TDRD5: variants seen among roughly 807,000 people sequenced by gnomAD.
TDRD5 encodes tudor domain containing 5.
TDRD5 carries 41 observed loss-of-function variants against 120.6 expected under a neutral mutation model. The observed-to-expected ratio is 0.34, with a 90% confidence interval of 0.26 to 0.44. TDRD5 has a LOEUF of 0.44. Ranked by LOEUF, TDRD5 falls within the 20% of genes least tolerant of loss-of-function variation. The probability of loss-of-function intolerance (pLI) is 1.00; values close to 1 mark genes in which losing one functional copy is unlikely to be tolerated. For missense variants in TDRD5, 1,006 were observed against 1,221.2 expected, an observed-to-expected ratio of 0.82 and a Z score of 2.63; for synonymous variants, 430 against 433.7, an observed-to-expected ratio of 0.99 and a Z score of 0.11.
chr1:179,633,775 A>G (rs963540361), intron 7 of TDRD5, among the ~76,000 whole-genome samples: 1 of 152,232 alleles, frequency 6.6e-6, no homozygotes. Flanking sequence ...TTAAGTAGTT[A>G]CATACAGTCT....
chr1:179,675,284 T>A (rs1191930916), intron 17 of TDRD5, among the ~76,000 whole-genome samples: 35 of 128,112 alleles, frequency 2.7e-4, no homozygotes, highest in South Asian at 8.0e-4. Context: ...TTTTTTTTTT[T>A]TTTTTTTTTT....
intron 4 of TDRD5, among the ~76,000 whole-genome samples, chr1:179,603,429 G>A (rs972720328): frequency 6.6e-6 from 1 of 152,142 alleles, no homozygotes; most frequent in East Asian, 1.9e-4. Flanking sequence ...GAGGAGTGGT[G>A]AGAGTGGGCA....
At chr1:179,603,824 C>G (rs142079511) in intron 4 of TDRD5, among the ~76,000 whole-genome samples, 2 of 152,002 alleles carry the variant, frequency 1.3e-5, no homozygotes, top group East Asian at 1.9e-4. Flanking sequence ...TCAGGGATAT[C>G]GATCTGTAGT....
At chr1:179,596,388 C>T (rs141268758) in intron 4 of TDRD5, among the ~76,000 whole-genome samples, 73 of 152,192 alleles carry the variant, frequency 4.8e-4, no homozygotes, top group Admixed American at 7.2e-4. Context: ...GTGCACAGTT[C>T]GAGTTTTGAT....
Position 179,663,383 on chromosome 1 carries a change from T to A in TDRD5, c.2541T>A (p.Asp847Glu). The A allele has an allele frequency of 6.2e-7, 1 of 1,613,666 alleles. No homozygotes were observed. Among genetic ancestry groups the A allele is most frequent in the African/African-American group, 1.3e-5 (1 of 75,030 alleles). ...WCFSTPKDTW[D>E]DSWQPSGLVN... is the part of the protein sequence containing the mutation. ...TTTCTACCCCTAAAGATACATGGGA[T>A]GATTCTTGGCAGCCTTCAGGCCTTG... The change falls in exon 16 of 18, where the codon GAT becomes GAA. Residue 847 changes from aspartate to glutamate, a missense_variant. Coordinates refer to ENST00000444136, the MANE Select transcript of TDRD5 (RefSeq NM_001199085.3).
At chr1:179,595,198 T>A (rs879913064) in intron 3 of TDRD5, among the ~76,000 whole-genome samples, 17 of 152,190 alleles carry the variant, frequency 1.1e-4, no homozygotes, top group Non-Finnish European at 2.2e-4. Context: ...GAAGAATTTA[T>A]ATTTTATATT....
intron 11 of TDRD5, among the ~76,000 whole-genome samples, chr1:179,642,181 A>G (rs1259925442): frequency 2.0e-5 from 3 of 151,096 alleles, no homozygotes; most frequent in Non-Finnish European, 2.9e-5. Flanking sequence ...GCTCACTCCA[A>G]CCTCCACCTC....
At chr1:179,630,492 A>G (rs1220752091) in intron 6 of TDRD5, among the ~76,000 whole-genome samples, 1 of 152,196 alleles carries the variant, frequency 6.6e-6, no homozygotes, top group African/African-American at 2.4e-5. Context: ...ATATTCAGAC[A>G]TTGTTAAAAA....
rs1681126011 is a variant in TDRD5 at position 179,691,063 on chromosome 1, TC to T, written c.*121del. On this transcript the variant is annotated 3_prime_UTR_variant, in exon 18 of 18. Transcript: ENST00000444136. Reference sequence around the variant, plus strand: ...TCTTGATCATTGATACTTTTGTCTTTCTGTGACTATATGTTAGCTTTATTAT... The same window carrying T: ...TCTTGATCATTGATACTTTTGTCTTTTGTGACTATATGTTAGCTTTATTAT... The T allele has an allele frequency of 1.5e-6, 2 of 1,339,286 alleles. No individual in the cohort carries two copies. Among genetic ancestry groups the T allele is most frequent in the Non-Finnish European group, 2.0e-6 (2 of 1,010,320 alleles). The allele number at this position is 1,339,286 out of a possible 1,614,324, so 83.0% of individuals were successfully genotyped here. A position where few individuals can be genotyped will look rare whatever the true frequency, so the allele number is the denominator to read the frequency against.
rs1680520020 is a variant in TDRD5, at chr1:179,683,134, C to T, written c.2861-7562C>T. On this transcript the variant is annotated intron_variant, in intron 17 of 17. Transcript: ENST00000444136. Reference sequence around the variant, plus strand: ...CTCAACTCAGTAAGACTACCTGGTTCAGTCTGGATTCCTCCTTCTCATACT... The same window carrying T: ...CTCAACTCAGTAAGACTACCTGGTTTAGTCTGGATTCCTCCTTCTCATACT... 4.6e-5 allele frequency among the ~76,000 whole-genome samples: 7 copies of T among 152,158 alleles called. No homozygotes were observed. In the South Asian group the frequency reaches 1.5e-3, roughly 32 times the overall value.
chr1:179,620,451 T>C (rs1043954559), intron 5 of TDRD5, among the ~76,000 whole-genome samples: 3 of 152,260 alleles, frequency 2.0e-5, no homozygotes, highest in Middle Eastern at 3.4e-3. Flanking sequence ...TCAAATACAT[T>C]TAGGTGTCTT....
In TDRD5 at chr1:179,684,618, G is replaced by A. The variant is rs541026258; in HGVS notation, c.2861-6078G>A. On this transcript the variant is annotated intron_variant, in intron 17 of 17. Transcript: ENST00000444136. ...TCTAGTTCTAGATCCTTGAGGAATC[G>A]CCACACTGTCTTCCACAATGGTTGA... Among the ~76,000 whole-genome samples the A allele has an allele frequency of 1.2e-4, 19 of 152,232 alleles. No homozygotes were observed. In the East Asian group the frequency reaches 1.7e-3, roughly 14 times the overall value.
At chr1:179,619,790 T>G (rs1464107367) in intron 5 of TDRD5, among the ~76,000 whole-genome samples, 1 of 151,880 alleles carries the variant, frequency 6.6e-6, no homozygotes, top group African/African-American at 2.4e-5. Flanking sequence ...CCCAGCTAAT[T>G]AAAAAAAATT....
At chr1:179,666,043 C>T (rs562350744) in intron 16 of TDRD5, among the ~76,000 whole-genome samples, 1 of 152,276 alleles carries the variant, frequency 6.6e-6, no homozygotes, top group African/African-American at 2.4e-5. Context: ...CTCTAGCTAC[C>T]ACACTTGTTT....
intron 17 of TDRD5, among the ~76,000 whole-genome samples, chr1:179,682,862 C>A (rs1012280249): frequency 2.6e-5 from 4 of 152,112 alleles, no homozygotes; most frequent in Admixed American, 6.5e-5. Flanking sequence ...GGTGAGAACA[C>A]AAACTGTTTT....
chr1:179,650,750 T>C (rs553877400), intron 11 of TDRD5, 117 bp from the exon 12 acceptor site: 2 of 1,028,372 alleles, frequency 1.9e-6, no homozygotes, highest in South Asian at 1.5e-5. Context: ...ATTCTAGTAC[T>C]TTTATGGTTT....
chr1:179,612,018 A>G (rs1381209065), intron 4 of TDRD5, among the ~76,000 whole-genome samples: 1 of 152,176 alleles, frequency 6.6e-6, no homozygotes, highest in East Asian at 1.9e-4. Context: ...CCATTTCTTC[A>G]AAACTGTAGA....
intron 9 of TDRD5, 83 bp from the exon 10 acceptor site, chr1:179,639,756 A>T: frequency 6.9e-7 from 1 of 1,449,418 alleles, no homozygotes; most frequent in Non-Finnish European, 9.4e-7. Context: ...TTTTGCCAAG[A>T]CTTTCTGGCT....
At chr1:179,634,758 T>C (rs1205574168) in intron 8 of TDRD5, 129 bp downstream of exon 8, 2 of 1,141,550 alleles carry the variant, frequency 1.8e-6, no homozygotes, top group Non-Finnish European at 2.4e-6. Context: ...TTAGAAGAAA[T>C]CATCTTTGTA....
Sources: gnomAD v4.1 joint callset for allele counts (sites outside exome capture counted in the v4.1 genomes callset) on GRCh38, gnomAD v4.1.1 for gene constraint, MANE v1.5 for transcripts, NCBI Gene and HGNC (gene_info 2026-07-23, HGNC 2026-07-21) for gene names.